Variants in JPH2 observed in about 807,000 individuals in gnomAD.
JPH2 encodes junctophilin-2.
In JPH2, 38 loss-of-function variants were observed where a neutral mutation model predicts 55.9. That is an observed-to-expected ratio of 0.68 (90% confidence interval 0.52 to 0.89). The LOEUF is 0.89. Among genes scored for constraint, JPH2 ranks in the 40% least tolerant of loss-of-function variants. The pLI, the probability that JPH2 is intolerant of heterozygous loss-of-function variation, is 0.00. For synonymous variants in JPH2, 480 were observed against 472.4 expected (o/e 1.02, Z -0.21); for missense variants, 964 against 1,037.6 (o/e 0.93, Z 0.97).
chr20:44,113,343 C>T lies in JPH2; in HGVS notation c.*175G>A, dbSNP rs77861816. 931 of 152,822 alleles carry T rather than the reference C, an allele frequency of 6.1e-3. 6 individuals are homozygous for T. Among genetic ancestry groups the T allele is most frequent in the East Asian group, 0.059 (305 of 5,184 alleles). 9.5% of individuals were successfully genotyped at this position (152,822 alleles called of 1,614,324 possible). ...ATTCCATTCCTCTTGGCACCACCAC[C>T]GCCACCCAGCACAGGCACCGTGGGA... On this transcript the variant is annotated 3_prime_UTR_variant, in exon 6 of 6. Coordinates refer to ENST00000372980, the MANE Select transcript of JPH2 (RefSeq NM_020433.5).
In JPH2 at chr20:44,115,891, G is replaced by A. The variant is rs202033954; in HGVS notation, c.1784C>T (p.Ala595Val). The A allele has an allele frequency of 2.5e-6, 4 of 1,578,472 alleles. No homozygotes were observed. The highest frequency in any genetic ancestry group is 2.7e-5 in the African/African-American group (2 of 74,474). Residue 595 changes from alanine (A) to valine (V), a missense_variant, in exon 4 of 6, where the codon GCG (alanine) becomes GTG (valine). Coordinates refer to ENST00000372980, the MANE Select transcript of JPH2 (RefSeq NM_020433.5). The part of the protein sequence containing the change: ...PEPEVSGSES[A>V]PSSPATAPLQ... ...CGGGGCGGTGGCCGGGGACGAGGGC[G>A]CGGACTCGGACCCGGAGACCTCGGG...
At chr20:44,163,894 C>T (rs956665198) in intron 1 of JPH2, among the ~76,000 whole-genome samples, 6 of 152,152 alleles carry the variant, frequency 3.9e-5, no homozygotes, top group African/African-American at 1.2e-4. Flanking sequence ...GGCTCTGTTC[C>T]CTTCAATGAC....
At chr20:44,142,320 G>A (rs2072463143) in intron 2 of JPH2, among the ~76,000 whole-genome samples, 1 of 152,170 alleles carries the variant, frequency 6.6e-6, no homozygotes, top group Admixed American at 6.5e-5. Flanking sequence ...TTTAACTTCA[G>A]TTAACTTAAA....
rs1431609394 is a variant in JPH2, at chr20:44,107,154, G to A, written c.*6364C>T. 6.6e-6 allele frequency among the ~76,000 whole-genome samples: 1 copy of A among 152,098 alleles called. No homozygotes were observed. ...CATCTTCCACATACAGCAAAGAAGT[G>A]ATATAGCCAGGATTAGAAACTAGGT... On this transcript the variant is annotated 3_prime_UTR_variant, in exon 6 of 6. Transcript: ENST00000372980.
intron 2 of JPH2, among the ~76,000 whole-genome samples, chr20:44,123,499 T>G (rs910756888): frequency 2.0e-5 from 3 of 152,222 alleles, no homozygotes; most frequent in Admixed American, 6.5e-5. Context: ...GGCTTCCTAC[T>G]GTGCTCAAAA....
intron 1 of JPH2, among the ~76,000 whole-genome samples, chr20:44,165,175 A>C (rs1262159403): frequency 1.3e-5 from 2 of 152,158 alleles, no homozygotes; most frequent in African/African-American, 4.8e-5. Flanking sequence ...GGTTTACACA[A>C]GCGTGTACAT....
intron 1 of JPH2, among the ~76,000 whole-genome samples, chr20:44,161,526 C>A (rs1429758342): frequency 6.6e-6 from 1 of 152,148 alleles, no homozygotes; most frequent in Non-Finnish European, 1.5e-5. Flanking sequence ...GGGCAACTGA[C>A]TTAACCTCCC....
At chr20:44,177,930 T>C in intron 1 of JPH2, 1 of 1,430,314 alleles carries the variant, frequency 7.0e-7, no homozygotes, top group Admixed American at 1.7e-5. Context: ...ATTGTCTTGT[T>C]TCATTGTCTC....
At chr20:44,147,502 T>G (rs2072501357) in intron 2 of JPH2, among the ~76,000 whole-genome samples, 1 of 152,220 alleles carries the variant, frequency 6.6e-6, no homozygotes, top group African/African-American at 2.4e-5. Context: ...CAGAACATTA[T>G]GTAGGTAGTC....
At chr20:44,152,522 G>C (rs1367120114) in intron 2 of JPH2, among the ~76,000 whole-genome samples, 1 of 152,070 alleles carries the variant, frequency 6.6e-6, no homozygotes, top group Non-Finnish European at 1.5e-5. Context: ...ACAAAAAAGG[G>C]GGAAAAAAAG....
At chr20:44,124,380 C>T (rs972534457) in intron 2 of JPH2, among the ~76,000 whole-genome samples, 2 of 152,118 alleles carry the variant, frequency 1.3e-5, no homozygotes, top group African/African-American at 2.4e-5. Context: ...CCTCCTGCCG[C>T]GATCCTGGCC....
intron 2 of JPH2, among the ~76,000 whole-genome samples, chr20:44,141,191 C>G (rs1018943845): frequency 2.0e-5 from 3 of 152,180 alleles, no homozygotes; most frequent in Admixed American, 2.0e-4. Context: ...CTAACGGAAG[C>G]CTAATTTGTT....
In JPH2 at chr20:44,119,283, A is replaced by G. The variant is rs143128743; in HGVS notation, c.1170-660T>C. On this transcript the variant is annotated intron_variant, in intron 2 of 5. Transcript: ENST00000372980. ...TCAAGGATATCTAATTACAACATATAATATGACATGAAAATATATGAGATT... is the reference window on the plus strand; with the variant it reads ...TCAAGGATATCTAATTACAACATATGATATGACATGAAAATATATGAGATT... Among the ~76,000 whole-genome samples the G allele has an allele frequency of 7.1e-3, 1,079 of 152,372 alleles. 8 individuals carry two copies. The highest frequency in any genetic ancestry group is 0.011 in the Non-Finnish European group (756 of 68,036).
chr20:44,151,216 T>C (rs918065162), intron 2 of JPH2, among the ~76,000 whole-genome samples: 1 of 152,032 alleles, frequency 6.6e-6, no homozygotes, highest in African/African-American at 2.4e-5. Flanking sequence ...CTCTAGTTCA[T>C]CTTGGAAAAT....
intron 1 of JPH2, among the ~76,000 whole-genome samples, chr20:44,162,791 C>G (rs199565056): frequency 1.5e-5 from 1 of 66,756 alleles, no homozygotes; most frequent in Admixed American, 1.7e-4. Context: ...TATATATACA[C>G]ACACACACAC....
intron 2 of JPH2, among the ~76,000 whole-genome samples, chr20:44,134,902 AT>A (rs1569195917): frequency 9.2e-5 from 7 of 76,062 alleles, no homozygotes; most frequent in African/African-American, 4.2e-4. Flanking sequence ...ATATATTTAT[AT>A]ATATATATAA....
intron 2 of JPH2, among the ~76,000 whole-genome samples, chr20:44,140,178 T>C (rs533352511): frequency 6.6e-6 from 1 of 152,282 alleles, no homozygotes; most frequent in East Asian, 1.9e-4. Flanking sequence ...GCCGAGATTT[T>C]ATTTTTTTTT....
chr20:44,128,153 T>C (rs988329905), intron 2 of JPH2, among the ~76,000 whole-genome samples: 8 of 152,248 alleles, frequency 5.3e-5, no homozygotes, highest in Non-Finnish European at 1.0e-4. Context: ...CTTGTGCTTT[T>C]GTCATAGCTA....
At chr20:44,134,784 A>G (rs1420107199) in intron 2 of JPH2, among the ~76,000 whole-genome samples, 1 of 100,456 alleles carries the variant, frequency 1.0e-5, no homozygotes, top group East Asian at 3.0e-4. Flanking sequence ...TTATAAATAT[A>G]CATAAATATA....
Sources: allele counts gnomAD v4.1 joint callset (sites outside exome capture counted in the v4.1 genomes callset), GRCh38; gene constraint gnomAD v4.1.1; transcripts MANE v1.5; gene names NCBI Gene and HGNC (gene_info 2026-07-23, HGNC 2026-07-21).